ZC3H13: variants seen among roughly 807,000 people sequenced by gnomAD.
ZC3H13 encodes zinc finger CCCH-type containing 13, also known as zinc finger CCCH domain-containing protein 13.
Under a neutral mutation model 204.1 loss-of-function variants are expected in ZC3H13, and 64 were observed. The ratio of observed to expected loss-of-function variants is 0.31; its 90% CI spans 0.26 to 0.39. The LOEUF is 0.39. ZC3H13 is among the 10% of genes least tolerant of loss of function. The pLI is 1.00. For synonymous variants in ZC3H13, 667 were observed against 693.7 expected (o/e 0.96, Z 0.60); for missense variants, 1,833 against 2,082.7 (o/e 0.88, Z 2.33).
intron 12 of ZC3H13, among the ~76,000 whole-genome samples, chr13:45,973,540 CA>C (rs1282802083): frequency 2.6e-5 from 4 of 152,118 alleles, no homozygotes; most frequent in Admixed American, 2.6e-4. Context: ...TGAATATTTG[CA>C]TTGTACTTAC....
Position 45,969,532 on chromosome 13 carries a change from T to C in ZC3H13, c.3012A>G (p.Glu1004=), listed in dbSNP as rs1196788915. 1.9e-6 allele frequency: 3 copies of C among 1,605,410 alleles called. No homozygotes were observed. The highest frequency in any genetic ancestry group is 1.7e-6 in the Non-Finnish European group (2 of 1,177,936). The part of the protein sequence containing the change: ...PKKGQKKKSI[E]KKRKKSKGDS... The stretch of plus-strand genomic sequence containing the variant: ...CACCTTTGGATTTTTTACGTTTTTT[T>C]TCAATGCTTTTCTTTTTCTGTCCTT... Residue 1004 remains glutamate, a synonymous_variant, in exon 14 of 19, where the codon GAA becomes GAG. Coordinates refer to ENST00000679008, the MANE Select transcript of ZC3H13 (RefSeq NM_001330564.2).
chr13:46,032,104 T>C (rs187287935), intron 4 of ZC3H13, among the ~76,000 whole-genome samples: 25 of 152,252 alleles, frequency 1.6e-4, no homozygotes, highest in African/African-American at 5.5e-4. Flanking sequence ...AATGTGTCAG[T>C]GTAAGGTCAC....
At chr13:46,039,950 G>A (rs577223344) in intron 4 of ZC3H13, among the ~76,000 whole-genome samples, 10 of 152,100 alleles carry the variant, frequency 6.6e-5, no homozygotes, top group Non-Finnish European at 1.0e-4. Flanking sequence ...TCAGAGTAGC[G>A]GTACATTTAC....
Position 45,963,508 on chromosome 13 carries a change from A to G in ZC3H13, c.4675+334T>C. On this transcript the variant is annotated intron_variant, in intron 17 of 18. Coordinates refer to ENST00000679008, the MANE Select transcript of ZC3H13 (RefSeq NM_001330564.2). ...TCAATCATGGCTCACTGCAGCCTCA[A>G]TTTCCTGGGCTCCAGCAATCCTGCT... 7.6e-6 allele frequency: 8 copies of G among 1,059,574 alleles called. No individual in the cohort carries two copies. In the South Asian group the frequency reaches 2.4e-4, roughly 32 times the overall value. The allele number at this position is 1,059,574 out of a possible 1,614,324, so 65.6% of individuals were successfully genotyped here.
intron 10 of ZC3H13, among the ~76,000 whole-genome samples, chr13:45,983,458 A>G (rs1953877459): frequency 1.4e-5 from 1 of 69,546 alleles, no homozygotes; most frequent in Non-Finnish European, 2.4e-5. Flanking sequence ...ACGGAGTCTC[A>G]CTCTTTCGCC....
intron 1 of ZC3H13, among the ~76,000 whole-genome samples, chr13:46,049,843 A>C (rs185496489): frequency 6.6e-6 from 1 of 152,206 alleles, no homozygotes; most frequent in East Asian, 1.9e-4. Flanking sequence ...TGTAAATACT[A>C]AAGTCTTTCC....
At chr13:45,968,671 A>T in intron 14 of ZC3H13, 77 bp downstream of exon 14, 1 of 1,486,166 alleles carries the variant, frequency 6.7e-7, no homozygotes, top group Non-Finnish European at 9.0e-7. Context: ...CCAATTTAGC[A>T]TTACTTTAGA....
intron 12 of ZC3H13, among the ~76,000 whole-genome samples, chr13:45,973,165 C>T (rs920894889): frequency 6.6e-6 from 1 of 152,110 alleles, no homozygotes; most frequent in East Asian, 1.9e-4. Context: ...AACTGACAGA[C>T]TGGAATAAAG....
At position 45,967,825 on chromosome 13, in the gene ZC3H13, T is replaced by C; in HGVS notation, c.4000A>G (p.Asn1334Asp). The C allele has an allele frequency of 6.2e-7, 1 of 1,613,830 alleles. No homozygotes were observed. Among genetic ancestry groups the C allele is most frequent in the Non-Finnish European group, 8.5e-7 (1 of 1,179,886 alleles). The change falls in exon 15 of 19, where the codon AAC becomes GAC. Residue 1334 changes from asparagine to aspartate, a missense_variant. Transcript: ENST00000679008. ...TCTCGCAATCTATCTCGATCCCTGT[T>C]GCGTGGCCAATCTTTATCAGCATCT... ...DRDADKDWPR[N>D]RDRDRLRERE...
intron 16 of ZC3H13, 112 bp from the exon 17 acceptor site, chr13:45,964,154 T>A: frequency 1.0e-6 from 1 of 964,276 alleles, no homozygotes; most frequent in Non-Finnish European, 1.5e-6. Context: ...AAAAGTACTT[T>A]AAACCAAAAA....
At chr13:45,994,463 C>T (rs1197151581) in intron 8 of ZC3H13, among the ~76,000 whole-genome samples, 2 of 152,178 alleles carry the variant, frequency 1.3e-5, no homozygotes, top group East Asian at 1.9e-4. Context: ...TCCTTTAATG[C>T]TATTCAAATC....
chr13:46,002,247 G>A (rs570260759), intron 8 of ZC3H13, among the ~76,000 whole-genome samples: 24 of 152,200 alleles, frequency 1.6e-4, no homozygotes, highest in African/African-American at 5.3e-4. Flanking sequence ...TTCGAATGGC[G>A]ACTATAAAAC....
At chr13:45,993,020 C>T (rs936344110) in intron 8 of ZC3H13, among the ~76,000 whole-genome samples, 3 of 152,100 alleles carry the variant, frequency 2.0e-5, no homozygotes, top group African/African-American at 7.2e-5. Context: ...TCATTCTAGA[C>T]ATATCTTCTA....
At chr13:46,000,254 T>C (rs1411829322) in intron 8 of ZC3H13, among the ~76,000 whole-genome samples, 7 of 152,200 alleles carry the variant, frequency 4.6e-5, no homozygotes, top group Non-Finnish European at 1.0e-4. Context: ...TCTCTGGCTA[T>C]GGACATCTTG....
intron 14 of ZC3H13, 61 bp from the exon 15 acceptor site, chr13:45,968,089 CTTCAT>C: frequency 6.8e-7 from 1 of 1,480,810 alleles, no homozygotes; most frequent in Non-Finnish European, 9.0e-7. Flanking sequence ...AAACAAAATG[CTTCAT>C]TTCAAGGTCC....
chr13:45,995,246 C>T (rs1266072846), intron 8 of ZC3H13, among the ~76,000 whole-genome samples: 2 of 152,162 alleles, frequency 1.3e-5, no homozygotes. Context: ...TGAGAACAGC[C>T]TTCCTCAAGT....
At chr13:45,991,684 G>A (rs750732635) in intron 8 of ZC3H13, among the ~76,000 whole-genome samples, 25 of 152,118 alleles carry the variant, frequency 1.6e-4, no homozygotes, top group Non-Finnish European at 8.8e-5. Context: ...AAGAAAAAAG[G>A]AAAGTTTATT....
chr13:45,962,818 T>G, intron 17 of ZC3H13: 1 of 985,404 alleles, frequency 1.0e-6, no homozygotes, highest in Non-Finnish European at 1.2e-6. Flanking sequence ...TTTACCTCCT[T>G]TTCCTTCTTT....
At chr13:45,976,408 A>C in intron 11 of ZC3H13, 1 of 250,640 alleles carries the variant, frequency 4.0e-6, no homozygotes, top group South Asian at 1.5e-4. Context: ...ATATAACATG[A>C]ACTGTAATAT....
Sources: gnomAD v4.1 joint callset for allele counts (sites outside exome capture counted in the v4.1 genomes callset) on GRCh38, gnomAD v4.1.1 for gene constraint, MANE v1.5 for transcripts, NCBI Gene and HGNC (gene_info 2026-07-23, HGNC 2026-07-21) for gene names.